The following FOXO1 variants were observed in gnomAD, a reference collection of about 807,000 sequenced individuals.
The protein encoded by FOXO1 is forkhead box protein O1.
Under a neutral mutation model 44.1 loss-of-function variants are expected in FOXO1, and 6 were observed. The ratio of observed to expected loss-of-function variants is 0.14; its 90% confidence interval spans 0.07 to 0.27. The LOEUF (loss-of-function observed/expected upper bound fraction) is 0.27, where lower values mean the gene tolerates loss of function less well. Among genes scored for constraint, FOXO1 ranks in the 10% least tolerant of loss-of-function variants. FOXO1 has a pLI of 1.00. For synonymous variants in FOXO1, 380 were observed against 362.7 expected, an observed-to-expected ratio of 1.05 and a Z score of -0.54; for missense variants, 737 against 888.8, an observed-to-expected ratio of 0.83 and a Z score of 2.17.
chr13:40,596,753 C>A (rs1875592012), intron 1 of FOXO1, among the ~76,000 whole-genome samples: 1 of 152,200 alleles, frequency 6.6e-6, no homozygotes, highest in African/African-American at 2.4e-5. Context: ...ATGCCAGCAA[C>A]ATCTAATTTT....
At chr13:40,591,287 G>A (rs150985050) in intron 1 of FOXO1, among the ~76,000 whole-genome samples, 98 of 152,356 alleles carry the variant, frequency 6.4e-4, no homozygotes, top group Non-Finnish European at 1.3e-3. Flanking sequence ...GCAGTGTTGA[G>A]TTTCCTAGCC....
intron 1 of FOXO1, chr13:40,611,193 TA>T (rs1876216163): frequency 2.9e-6 from 1 of 340,712 alleles, no homozygotes; most frequent in Non-Finnish European, 5.8e-6. Flanking sequence ...CCCTGTTACA[TA>T]AACAAGTTCT....
intron 1 of FOXO1, among the ~76,000 whole-genome samples, chr13:40,637,625 A>G (rs964359701): frequency 1.3e-5 from 2 of 152,130 alleles, no homozygotes; most frequent in East Asian, 3.8e-4. Context: ...ACCATTTATA[A>G]AACACTTCCT....
intron 1 of FOXO1, among the ~76,000 whole-genome samples, chr13:40,658,833 T>G (rs1877941024): frequency 6.6e-6 from 1 of 151,354 alleles, no homozygotes; most frequent in South Asian, 2.1e-4. Flanking sequence ...CACGGTGAAA[T>G]CCCGTCTCTA....
At chr13:40,562,229 G>A (rs1278305425) in intron 1 of FOXO1, among the ~76,000 whole-genome samples, 1 of 152,142 alleles carries the variant, frequency 6.6e-6, no homozygotes, top group Non-Finnish European at 1.5e-5. Context: ...GTAGCCAGGG[G>A]CTACACTGTC....
rs554724365 is a variant in FOXO1, at chr13:40,589,661, T to G, written c.631-28801A>C. On this transcript the variant is annotated intron_variant, in intron 1 of 2. Transcript: ENST00000379561. ...GCCTCCTAAATTAATCAGAATAGATTAACAGAATCCTTTGAGCTTATTGTT... is the reference window on the plus strand; with the variant it reads ...GCCTCCTAAATTAATCAGAATAGATGAACAGAATCCTTTGAGCTTATTGTT... Among the ~76,000 whole-genome samples, 5 of 152,354 alleles carry G rather than the reference T, an allele frequency of 3.3e-5. No individual in the cohort carries two copies. In the South Asian group the frequency reaches 1.0e-3, roughly 32 times the overall value.
rs555268654 is a variant in FOXO1, at chr13:40,655,699, G to A, written c.630+9884C>T. Among the ~76,000 whole-genome samples the A allele has an allele frequency of 1.1e-4, 15 of 133,294 alleles. No individual in the cohort carries two copies. In the South Asian group the frequency reaches 2.6e-3, roughly 23 times the overall value. 87.4% of individuals were successfully genotyped at this position (133,294 alleles called of 152,430 possible). On this transcript the variant is annotated intron_variant, in intron 1 of 2. Coordinates refer to ENST00000379561, the MANE Select transcript of FOXO1 (RefSeq NM_002015.4). ...TCGCCCAGGCTCAGGCCGGAGTGTC[G>A]TGGCATAATCTCAGCTCACTACAGC...
intron 1 of FOXO1, among the ~76,000 whole-genome samples, chr13:40,565,125 A>T (rs1874217155): frequency 6.6e-6 from 1 of 152,286 alleles, no homozygotes; most frequent in South Asian, 2.1e-4. Context: ...CTTGACCCCC[A>T]AAAAAATTAC....
At chr13:40,605,042 T>C (rs1045045486) in intron 1 of FOXO1, among the ~76,000 whole-genome samples, 2 of 151,946 alleles carry the variant, frequency 1.3e-5, no homozygotes, top group Non-Finnish European at 2.9e-5. Context: ...ATAAAATTAG[T>C]GATGTTCTTT....
intron 1 of FOXO1, among the ~76,000 whole-genome samples, chr13:40,601,495 T>C (rs1875812907): frequency 6.6e-6 from 1 of 152,222 alleles, no homozygotes; most frequent in Admixed American, 6.5e-5. Context: ...TGGCTGACTC[T>C]TCCCTATTTT....
chr13:40,608,930 G>A (rs1374196294), intron 1 of FOXO1, among the ~76,000 whole-genome samples: 2 of 152,166 alleles, frequency 1.3e-5, no homozygotes, highest in African/African-American at 2.4e-5. Flanking sequence ...AAGGGGGTAC[G>A]TGTATCTTCA....
intron 1 of FOXO1, among the ~76,000 whole-genome samples, chr13:40,629,494 C>T (rs1876894092): frequency 6.6e-6 from 1 of 152,204 alleles, no homozygotes; most frequent in African/African-American, 2.4e-5. Context: ...AGAGGTATAT[C>T]AAGTGCAGAC....
At chr13:40,634,470 A>C (rs17531346) in intron 1 of FOXO1, among the ~76,000 whole-genome samples, 2,274 of 152,278 alleles carry the variant, frequency 0.015, 24 homozygotes, top group Non-Finnish European at 0.023. Context: ...GTGTATTAGT[A>C]AGAAAAGTGA....
intron 1 of FOXO1, among the ~76,000 whole-genome samples, chr13:40,581,013 A>T (rs1248069055): frequency 6.6e-6 from 1 of 152,214 alleles, no homozygotes; most frequent in African/African-American, 2.4e-5. Flanking sequence ...GGGCAACAAC[A>T]TTGGAAAGCC....
intron 1 of FOXO1, among the ~76,000 whole-genome samples, chr13:40,607,891 C>T (rs951025950): frequency 6.6e-6 from 1 of 152,236 alleles, no homozygotes; most frequent in African/African-American, 2.4e-5. Flanking sequence ...ACATGAATTG[C>T]CTGGGGTTCC....
intron 1 of FOXO1, among the ~76,000 whole-genome samples, chr13:40,642,842 C>G (rs1167433594): frequency 6.6e-6 from 1 of 152,084 alleles, no homozygotes; most frequent in Non-Finnish European, 1.5e-5. Context: ...CTGCTTGAGC[C>G]TAGAAGGTGA....
At chr13:40,643,614 T>C (rs531550246) in intron 1 of FOXO1, among the ~76,000 whole-genome samples, 1 of 152,284 alleles carries the variant, frequency 6.6e-6, no homozygotes, top group East Asian at 1.9e-4. Context: ...CTTATCAAAC[T>C]TGCTACACAA....
Position 40,620,239 on chromosome 13 carries a change from A to T in FOXO1, c.630+45344T>A. On this transcript the variant is annotated intron_variant, in intron 1 of 2. Coordinates refer to ENST00000379561, the MANE Select transcript of FOXO1 (RefSeq NM_002015.4). ...AATCACACTGGACCTTCAAGTGAGAAGGATCCATCCCGGAGAAAATAGAGA... is the reference window on the plus strand; with the variant it reads ...AATCACACTGGACCTTCAAGTGAGATGGATCCATCCCGGAGAAAATAGAGA... 11 of 1,533,930 alleles carry T rather than the reference A, an allele frequency of 7.2e-6. No individual in the cohort carries two copies. The South Asian group carries it at 1.2e-4, about 17-fold the overall frequency.
At chr13:40,582,586 T>C (rs1341080693) in intron 1 of FOXO1, among the ~76,000 whole-genome samples, 2 of 152,246 alleles carry the variant, frequency 1.3e-5, no homozygotes, top group African/African-American at 4.8e-5. Flanking sequence ...ATTTCAACCA[T>C]GTTCATTCAC....
Sources: gnomAD v4.1 joint callset for allele counts (sites outside exome capture counted in the v4.1 genomes callset) on GRCh38, gnomAD v4.1.1 for gene constraint, MANE v1.5 for transcripts, NCBI Gene and HGNC (gene_info 2026-07-23, HGNC 2026-07-21) for gene names.